The following C9orf85 variants were observed in gnomAD, a reference collection of about 807,000 sequenced individuals.
The protein encoded by C9orf85 is uncharacterized protein C9orf85.
C9orf85 carries 16 observed loss-of-function variants against 14.9 expected under a neutral mutation model. The observed-to-expected ratio is 1.08, with a 90% CI of 0.73 to 1.63. C9orf85 has a LOEUF of 1.63. C9orf85 is among the 40% of genes most tolerant of loss of function. The probability of loss-of-function intolerance (pLI) is 0.00; values close to 1 mark genes in which losing one functional copy is unlikely to be tolerated. For missense variants in C9orf85, 172 were observed against 186.1 expected (o/e 0.92, Z 0.44); for synonymous variants, 45 against 56.8 (o/e 0.79, Z 0.93).
intron 1 of C9orf85, among the ~76,000 whole-genome samples, chr9:71,914,482 C>G (rs775232852): frequency 1.4e-4 from 21 of 152,116 alleles, no homozygotes; most frequent in Non-Finnish European, 2.8e-4. Flanking sequence ...GTATTAAATA[C>G]TTTATGATTT....
chr9:71,958,002 C>G (rs1448151594), intron 2 of C9orf85, among the ~76,000 whole-genome samples: 1 of 151,942 alleles, frequency 6.6e-6, no homozygotes, highest in African/African-American at 2.4e-5. Context: ...TGTATCCTTT[C>G]TAGTGGAATT....
chr9:71,976,649 G>C (rs1014977377), downstream of C9orf85, among the ~76,000 whole-genome samples: 248 of 148,304 alleles, frequency 1.7e-3, 1 homozygote, highest in African/African-American at 5.9e-3. Context: ...GACACAGAGC[G>C]AGACTCCATC....
At chr9:71,933,872 T>C (rs2132280257) in intron 1 of C9orf85, among the ~76,000 whole-genome samples, 1 of 152,318 alleles carries the variant, frequency 6.6e-6, no homozygotes, top group Non-Finnish European at 1.5e-5. Flanking sequence ...ACTTTTTTTT[T>C]TCTGATCCCG....
downstream of C9orf85, among the ~76,000 whole-genome samples, chr9:71,974,792 A>G (rs1822972132): frequency 6.6e-6 from 1 of 152,230 alleles, no homozygotes; most frequent in South Asian, 2.1e-4. Context: ...AGCACTCTGC[A>G]TCTTCTAATA....
At chr9:71,960,446 T>G (rs1253387732) in intron 2 of C9orf85, among the ~76,000 whole-genome samples, 1 of 152,222 alleles carries the variant, frequency 6.6e-6, no homozygotes, top group Non-Finnish European at 1.5e-5. Flanking sequence ...GAATATACAT[T>G]AAATGAAAAG....
intron 2 of C9orf85, among the ~76,000 whole-genome samples, chr9:71,963,766 T>G (rs1358616137): frequency 6.6e-6 from 1 of 152,208 alleles, no homozygotes; most frequent in African/African-American, 2.4e-5. Flanking sequence ...GGGCCTTAGC[T>G]GCCTTCCTGC....
chr9:71,976,478 T>C (rs902556416), downstream of C9orf85, among the ~76,000 whole-genome samples: 4 of 152,054 alleles, frequency 2.6e-5, no homozygotes, highest in Admixed American at 1.3e-4. Context: ...CTGGCTAACG[T>C]GGTGAAACCC....
intron 2 of C9orf85, among the ~76,000 whole-genome samples, chr9:71,969,377 A>G (rs1004384452): frequency 3.9e-5 from 6 of 152,100 alleles, no homozygotes; most frequent in African/African-American, 1.2e-4. Context: ...CCTGGCCTCA[A>G]GTGATCCACC....
chr9:71,917,805 C>T (rs973200716), intron 1 of C9orf85, among the ~76,000 whole-genome samples: 1 of 152,146 alleles, frequency 6.6e-6, no homozygotes, highest in African/African-American at 2.4e-5. Context: ...TATATTAAAA[C>T]TCATTAAATT....
chr9:71,917,941 G>A (rs371923161), intron 1 of C9orf85, among the ~76,000 whole-genome samples: 4 of 152,232 alleles, frequency 2.6e-5, no homozygotes, highest in Admixed American at 6.5e-5. Flanking sequence ...ACAGCACTTT[G>A]GGAGGCCAAG....
At chr9:71,943,334 A>C (rs1821990418) in intron 1 of C9orf85, among the ~76,000 whole-genome samples, 1 of 152,172 alleles carries the variant, frequency 6.6e-6, no homozygotes, top group Non-Finnish European at 1.5e-5. Context: ...AGAATTATGT[A>C]CAAAAAAAAC....
At chr9:71,919,329 A>G (rs1418947891) in intron 1 of C9orf85, among the ~76,000 whole-genome samples, 1 of 152,154 alleles carries the variant, frequency 6.6e-6, no homozygotes, top group African/African-American at 2.4e-5. Context: ...AGTCATGGGA[A>G]TAAGTGTTAT....
downstream of C9orf85, among the ~76,000 whole-genome samples, chr9:71,977,026 G>A (rs1004107243): frequency 6.6e-6 from 1 of 152,130 alleles, no homozygotes; most frequent in Non-Finnish European, 1.5e-5. Context: ...TCTAGAGCTT[G>A]CAGCCATGAT....
chr9:71,943,457 A>T (rs1211962652), intron 1 of C9orf85, among the ~76,000 whole-genome samples: 1 of 152,176 alleles, frequency 6.6e-6, no homozygotes, highest in Non-Finnish European at 1.5e-5. Flanking sequence ...CAGCATCAGC[A>T]TGTTGATACA....
At chr9:71,946,737 T>C (rs1029132850) in intron 1 of C9orf85, among the ~76,000 whole-genome samples, 9 of 150,232 alleles carry the variant, frequency 6.0e-5, no homozygotes, top group African/African-American at 2.2e-4. Context: ...GAGGTTGCAG[T>C]GAGCCAAAAT....
At chr9:71,968,955 A>C (rs1822779621) in intron 2 of C9orf85, among the ~76,000 whole-genome samples, 1 of 152,054 alleles carries the variant, frequency 6.6e-6, no homozygotes, top group African/African-American at 2.4e-5. Context: ...GGAATAGGTG[A>C]CTAAAGGTGA....
intron 1 of C9orf85, among the ~76,000 whole-genome samples, chr9:71,930,824 AAAAG>A: frequency 6.6e-6 from 1 of 151,220 alleles, no homozygotes; most frequent in Non-Finnish European, 1.5e-5. Flanking sequence ...AAAAAAAAAA[AAAAG>A]ACACAAACAA....
intron 1 of C9orf85, among the ~76,000 whole-genome samples, chr9:71,938,184 T>C (rs1223131915): frequency 3.3e-5 from 5 of 152,114 alleles, no homozygotes; most frequent in Admixed American, 1.3e-4. Context: ...GTTTGAAAGT[T>C]TTCATATAGT....
At chr9:71,983,715 C>T (rs1345446153), downstream of C9orf85, 1 of 152,190 alleles carries the variant, frequency 6.6e-6, no homozygotes, top group Non-Finnish European at 1.5e-5. Context: ...TAATCTGGTA[C>T]ATTGCTTCAG....
Sources: allele counts gnomAD v4.1 joint callset (sites outside exome capture counted in the v4.1 genomes callset), GRCh38; gene constraint gnomAD v4.1.1; transcripts MANE v1.5; gene names NCBI Gene and HGNC (gene_info 2026-07-23, HGNC 2026-07-21).